Variants in FAM114A1 observed in about 807,000 individuals in gnomAD.
FAM114A1 encodes the protein protein NOXP20.
In FAM114A1, 62 loss-of-function variants were observed where a neutral mutation model predicts 64.3. The ratio of observed to expected loss-of-function variants is 0.96; its 90% CI spans 0.79 to 1.19. The LOEUF is 1.19. Ranked by LOEUF, FAM114A1 falls within the 50% of genes most tolerant of loss-of-function variation. FAM114A1 has a pLI of 0.00. For synonymous variants in FAM114A1, 254 were observed against 251.1 expected (o/e 1.01, Z -0.11); for missense variants, 645 against 676.3 (o/e 0.95, Z 0.51).
chr4:38,903,063 A>G (rs553257772), intron 4 of FAM114A1, among the ~76,000 whole-genome samples: 1 of 152,172 alleles, frequency 6.6e-6, no homozygotes, highest in African/African-American at 2.4e-5. Flanking sequence ...TATTTCTGGT[A>G]GAATGCAGTA....
intron 4 of FAM114A1, among the ~76,000 whole-genome samples, chr4:38,904,882 A>G (rs988335874): frequency 1.3e-5 from 2 of 152,228 alleles, no homozygotes; most frequent in African/African-American, 4.8e-5. Flanking sequence ...TTCCAGGTTG[A>G]TAGCTAGGTG....
At position 38,908,568 on chromosome 4, in the gene FAM114A1, C is replaced by T. The variant is rs747448124; in HGVS notation, c.658-24C>T. 5 of 1,586,312 alleles carry T rather than the reference C, an allele frequency of 3.2e-6. No homozygotes were observed. In the Admixed American group the frequency reaches 8.4e-5, roughly 27 times the overall value. On this transcript the variant is annotated intron_variant, in intron 6 of 14. Transcript: ENST00000358869. The stretch of plus-strand genomic sequence containing the variant: ...AAACAGCAAAACCTAAACATCTAAT[C>T]TCATGCAGTTATCTCATCTGCAGGG...
intron 7 of FAM114A1, among the ~76,000 whole-genome samples, chr4:38,912,293 C>T (rs1050789710): frequency 3.9e-5 from 6 of 152,162 alleles, no homozygotes; most frequent in Non-Finnish European, 8.8e-5. Context: ...AAACCCACTT[C>T]CCTTTCTTCT....
At chr4:38,904,201 G>A (rs1183460037) in intron 4 of FAM114A1, among the ~76,000 whole-genome samples, 1 of 152,200 alleles carries the variant, frequency 6.6e-6, no homozygotes, top group Non-Finnish European at 1.5e-5. Flanking sequence ...GTGCTCGGGG[G>A]ATGGGGAGTT....
At chr4:38,905,497 T>C (rs1427817208) in intron 4 of FAM114A1, 25 bp from the exon 5 acceptor site, 12 of 1,553,062 alleles carry the variant, frequency 7.7e-6, no homozygotes, top group Non-Finnish European at 9.8e-6. Flanking sequence ...AATGTATCCA[T>C]GAACCATATT....
At chr4:38,935,687 C>T in intron 12 of FAM114A1, 31 bp from the exon 13 acceptor site, 1 of 1,485,454 alleles carries the variant, frequency 6.7e-7, no homozygotes, top group Non-Finnish European at 9.2e-7. Flanking sequence ...TTATTGAAAA[C>T]ATCCAAGCTT....
Position 38,905,561 on chromosome 4 carries a change from C to T in FAM114A1, c.476C>T (p.Thr159Ile), listed in dbSNP as rs375301582. 6.7e-5 allele frequency: 108 copies of T among 1,614,104 alleles called. 2 individuals are homozygous for T. Among genetic ancestry groups the T allele is most frequent in the Non-Finnish European group, 4.3e-5 (51 of 1,180,050 alleles). Reference protein sequence around the residue: ...LTAVKEKAGATLRIHGVNSGS... With the variant: ...LTAVKEKAGAILRIHGVNSGS... Reference sequence around the variant, plus strand: ...GCAGTCAAGGAAAAAGCAGGAGCCACTCTACGGATTCATGGTGTAAATTCT... The same window carrying T: ...GCAGTCAAGGAAAAAGCAGGAGCCATTCTACGGATTCATGGTGTAAATTCT... Residue 159 changes from threonine to isoleucine, a missense_variant, in exon 5 of 15, where the codon ACT (threonine) becomes ATT (isoleucine). Coordinates refer to ENST00000358869, the MANE Select transcript of FAM114A1 (RefSeq NM_138389.4).
intron 7 of FAM114A1, among the ~76,000 whole-genome samples, chr4:38,913,699 T>C (rs75405984): frequency 0.078 from 11,808 of 152,220 alleles, 1,197 homozygotes; most frequent in African/African-American, 0.23. Context: ...CCTAAGTTAA[T>C]ATTCTTAATT....
intron 6 of FAM114A1, among the ~76,000 whole-genome samples, chr4:38,908,369 A>G (rs1718217846): frequency 6.6e-6 from 1 of 152,210 alleles, no homozygotes; most frequent in Admixed American, 6.5e-5. Context: ...TTTTCTAAGC[A>G]TCAGTCTTTA....
At chr4:38,941,993 TG>T (rs1329733498) in intron 14 of FAM114A1, among the ~76,000 whole-genome samples, 18 of 152,140 alleles carry the variant, frequency 1.2e-4, no homozygotes, top group Non-Finnish European at 2.2e-4. Flanking sequence ...ACAGTCATGG[TG>T]GTAGGTGAAA....
At chr4:38,897,216 C>G (rs1465256666) in intron 4 of FAM114A1, among the ~76,000 whole-genome samples, 2 of 152,168 alleles carry the variant, frequency 1.3e-5, no homozygotes, top group Non-Finnish European at 2.9e-5. Context: ...TGCCCTTAAC[C>G]TAAGACTCAG....
chr4:38,913,118 TGTG>T (rs1718716563), intron 7 of FAM114A1, among the ~76,000 whole-genome samples: 1 of 152,178 alleles, frequency 6.6e-6, no homozygotes, highest in African/African-American at 2.4e-5. Context: ...CCTGTGACCT[TGTG>T]GTGGTGGCCA....
chr4:38,915,750 T>G (rs1222085634), intron 8 of FAM114A1, among the ~76,000 whole-genome samples: 3 of 90,092 alleles, frequency 3.3e-5, no homozygotes, highest in African/African-American at 2.1e-4. Context: ...TAGTGGTGTG[T>G]GTGTGTGTGT....
Position 38,895,932 on chromosome 4 carries a change from C to T in FAM114A1, c.436+4102C>T, listed in dbSNP as rs1217982972. On this transcript the variant is annotated intron_variant, in intron 4 of 14. Transcript: ENST00000358869. ...TGGGACCACTGTCATAGATGTGGCCCGTCGTTGACCGTAAGTTTGTCATGT... is the reference window on the plus strand; with the variant it reads ...TGGGACCACTGTCATAGATGTGGCCTGTCGTTGACCGTAAGTTTGTCATGT... Among the ~76,000 whole-genome samples the T allele has an allele frequency of 3.9e-5, 6 of 152,096 alleles. No homozygotes were observed. The South Asian group carries it at 1.2e-3, about 31-fold the overall frequency.
intron 13 of FAM114A1, among the ~76,000 whole-genome samples, chr4:38,936,746 T>C (rs1029105358): frequency 1.3e-5 from 2 of 151,964 alleles, no homozygotes; most frequent in Non-Finnish European, 2.9e-5. Context: ...AGAGACGGGG[T>C]TTCACCATGT....
At chr4:38,886,870 G>A (rs1157569844) in intron 3 of FAM114A1, among the ~76,000 whole-genome samples, 1 of 149,824 alleles carries the variant, frequency 6.7e-6, no homozygotes, top group Non-Finnish European at 1.5e-5. Flanking sequence ...GGAGGCTGCA[G>A]TGAACCAAAA....
chr4:38,919,685 G>C (rs1271488663), intron 8 of FAM114A1, among the ~76,000 whole-genome samples: 3 of 152,162 alleles, frequency 2.0e-5, no homozygotes, highest in African/African-American at 7.2e-5. Flanking sequence ...TCAGCATAAG[G>C]AGAGAGAGTG....
intron 4 of FAM114A1, among the ~76,000 whole-genome samples, chr4:38,898,414 C>T (rs1333791845): frequency 6.6e-6 from 1 of 152,140 alleles, no homozygotes; most frequent in African/African-American, 2.4e-5. Context: ...CAGAGAATGG[C>T]AAACTTGTCA....
intron 4 of FAM114A1, 28 bp from the exon 5 acceptor site, chr4:38,905,494 C>A (rs1457549031): frequency 1.3e-6 from 2 of 1,533,266 alleles, no homozygotes; most frequent in South Asian, 2.2e-5. Context: ...TCTAATGTAT[C>A]CATGAACCAT....
Sources: allele counts gnomAD v4.1 joint callset (sites outside exome capture counted in the v4.1 genomes callset), GRCh38; gene constraint gnomAD v4.1.1; transcripts MANE v1.5; gene names NCBI Gene and HGNC (gene_info 2026-07-23, HGNC 2026-07-21).